The following CENPM variants were observed in gnomAD, a reference collection of about 807,000 sequenced individuals.
The protein encoded by CENPM is centromere protein M.
In CENPM, 14 loss-of-function variants were observed where a neutral mutation model predicts 19.6. The observed-to-expected ratio is 0.71, with a 90% CI of 0.47 to 1.11. The LOEUF (loss-of-function observed/expected upper bound fraction) is 1.11. CENPM is among the 50% of genes most tolerant of loss of function. The pLI is 0.00. For missense variants in CENPM, 239 were observed against 228.4 expected (o/e 1.05, Z -0.30); for synonymous variants, 114 against 101.5 (o/e 1.12, Z -0.74).
At chr22:41,940,992 C>T (rs889020660) in intron 5 of CENPM, among the ~76,000 whole-genome samples, 4 of 152,312 alleles carry the variant, frequency 2.6e-5, no homozygotes, top group African/African-American at 4.8e-5. Flanking sequence ...TGACCTAATT[C>T]TACCACCAGG....
the CENPM span, among the ~76,000 whole-genome samples, chr22:41,931,494 T>A: frequency 0.12 from 14,711 of 118,030 alleles, 1,451 homozygotes; most frequent in Admixed American, 0.37. Context: ...AAAAAAAAAA[T>A]AATAATAAAA....
chr22:41,940,342 C>G (rs1288361505), intron 5 of CENPM: 1 of 576,830 alleles, frequency 1.7e-6, no homozygotes, highest in Non-Finnish European at 3.1e-6. Context: ...CTTTCCAGCA[C>G]GTCATTTACC....
downstream of CENPM, among the ~76,000 whole-genome samples, chr22:41,935,001 C>T (rs1250375988): frequency 6.6e-6 from 1 of 152,226 alleles, no homozygotes; most frequent in Non-Finnish European, 1.5e-5. Flanking sequence ...CCAGGGACAG[C>T]AGGTCTGAGG....
chr22:41,936,739 G>A (rs755562913), downstream of CENPM, among the ~76,000 whole-genome samples: 1 of 152,194 alleles, frequency 6.6e-6, no homozygotes, highest in Non-Finnish European at 1.5e-5. Flanking sequence ...GACCAGCCTG[G>A]CCAACATGGC....
chr22:41,928,022 G>A, the CENPM span: 1 of 205,832 alleles, frequency 4.9e-6, no homozygotes, highest in South Asian at 5.9e-5. The surrounding 1 kb of genome is among the most constrained non-coding windows in gnomAD (Gnocchi z 4.0). Context: ...GGGGAGCAAA[G>A]GCTTGGAGGC....
At chr22:41,939,781 AG>A (rs2077710891) in intron 5 of CENPM, among the ~76,000 whole-genome samples, 4 of 117,110 alleles carry the variant, frequency 3.4e-5, no homozygotes, top group African/African-American at 1.1e-4. Flanking sequence ...GTCTCAAAAA[AG>A]AAAGAAAAAG....
At chr22:41,929,212 C>A in the CENPM span, among the ~76,000 whole-genome samples, 2 of 152,004 alleles carry the variant, frequency 1.3e-5, no homozygotes, top group African/African-American at 4.8e-5. Flanking sequence ...CTCTGTGAGG[C>A]AGAGAGGTGG....
chr22:41,928,672 A>C, the CENPM span, among the ~76,000 whole-genome samples: 1 of 152,116 alleles, frequency 6.6e-6, no homozygotes, highest in Non-Finnish European at 1.5e-5. The surrounding 1 kb of genome is among the most constrained non-coding windows in gnomAD (Gnocchi z 4.0). Flanking sequence ...CTCTGGGGGC[A>C]GGCATGGCCA....
At chr22:41,939,227 T>C (rs1278019565) in intron 5 of CENPM, 31 bp from the exon 6 acceptor site, 2 of 1,586,166 alleles carry the variant, frequency 1.3e-6, no homozygotes, top group Non-Finnish European at 8.6e-7. Flanking sequence ...AGCAGTGAGA[T>C]AGAATGCTGG....
chr22:41,944,887 C>A, intron 4 of CENPM: 2 of 1,114,170 alleles, frequency 1.8e-6, no homozygotes, highest in Non-Finnish European at 2.2e-6. Flanking sequence ...AGGCTGACAA[C>A]AGGTCAGATT....
At chr22:41,944,795 T>C in intron 4 of CENPM, 6 of 1,010,238 alleles carry the variant, frequency 5.9e-6, no homozygotes, top group Non-Finnish European at 7.1e-6. Flanking sequence ...TCTTTAGAGT[T>C]TGGATTTTAC....
chr22:41,934,337 G>C (rs999540620), downstream of CENPM, among the ~76,000 whole-genome samples: 5 of 152,222 alleles, frequency 3.3e-5, no homozygotes, highest in African/African-American at 1.2e-4. Flanking sequence ...CAGGTGGAAT[G>C]AGGGGGACAA....
At chr22:41,927,270 C>T in the CENPM span, among the ~76,000 whole-genome samples, 1 of 152,138 alleles carries the variant, frequency 6.6e-6, no homozygotes, top group Admixed American at 6.5e-5. Context: ...CAACCAGCAC[C>T]GCCTGGGTGG....
chr22:41,945,852 C>G, intron 3 of CENPM, 61 bp downstream of exon 3: 1 of 1,372,088 alleles, frequency 7.3e-7, no homozygotes, highest in African/African-American at 1.4e-5. Context: ...AGGTCACCGT[C>G]TCAGCACAGT....
downstream of CENPM, among the ~76,000 whole-genome samples, chr22:41,934,757 C>T (rs1307943269): frequency 6.6e-6 from 1 of 152,234 alleles, no homozygotes; most frequent in Non-Finnish European, 1.5e-5. Context: ...CACGCTACAG[C>T]TGAGGAACTG....
downstream of CENPM, among the ~76,000 whole-genome samples, chr22:41,934,184 C>G (rs934062620): frequency 6.6e-6 from 1 of 152,186 alleles, no homozygotes; most frequent in Non-Finnish European, 1.5e-5. Flanking sequence ...GGGGCCCAGG[C>G]TGCAGAGCCC....
chr22:41,933,553 A>G, the CENPM span, among the ~76,000 whole-genome samples: 1 of 152,078 alleles, frequency 6.6e-6, no homozygotes, highest in African/African-American at 2.4e-5. Flanking sequence ...GGCTCTGGGA[A>G]GTACCTACCC....
the CENPM span, among the ~76,000 whole-genome samples, chr22:41,932,568 G>A: frequency 2.0e-5 from 3 of 152,232 alleles, no homozygotes; most frequent in Non-Finnish European, 2.9e-5. The surrounding 1 kb of genome is among the most constrained non-coding windows in gnomAD (Gnocchi z 4.3). Flanking sequence ...ACACACGCGC[G>A]CTCCTGCACT....
chr22:41,946,384 A>T (rs1448256634), intron 2 of CENPM, 33 bp downstream of exon 2: 3 of 1,584,930 alleles, frequency 1.9e-6, no homozygotes, highest in East Asian at 2.2e-5. Flanking sequence ...AGTGAGAGAC[A>T]CGTGGGCCCA....
Sources: gnomAD v4.1 joint callset for allele counts (sites outside exome capture counted in the v4.1 genomes callset) on GRCh38, gnomAD v4.1.1 for gene constraint, Gnocchi (gnomAD v3.1) non-coding constraint, MANE v1.5 for transcripts, NCBI Gene and HGNC (gene_info 2026-07-23, HGNC 2026-07-21) for gene names.